STYXL1: variants seen among roughly 807,000 people sequenced by gnomAD.
The protein encoded by STYXL1 is serine/threonine/tyrosine interacting like 1.
STYXL1 carries 32 observed loss-of-function variants against 36.4 expected under a neutral mutation model. That is an observed-to-expected ratio of 0.88 (90% CI 0.66 to 1.18). STYXL1 has a LOEUF of 1.18. STYXL1 is among the 50% of genes most tolerant of loss of function. STYXL1 has a pLI of 0.00. For missense variants in STYXL1, 354 were observed against 394.1 expected (o/e 0.90, Z 0.86); for synonymous variants, 133 against 144.1 (o/e 0.92, Z 0.55).
intron 4 of STYXL1, among the ~76,000 whole-genome samples, chr7:76,018,451 C>T (rs1264516825): frequency 6.6e-6 from 1 of 151,572 alleles, no homozygotes; most frequent in African/African-American, 2.4e-5. Flanking sequence ...AGTACAATAG[C>T]ACAAACTCGG....
chr7:76,002,947 G>A (rs1215197060), intron 7 of STYXL1, among the ~76,000 whole-genome samples: 4 of 152,142 alleles, frequency 2.6e-5, no homozygotes, highest in Admixed American at 2.0e-4. Flanking sequence ...TAAAATAAGG[G>A]ATGGTTGGGC....
intron 4 of STYXL1, among the ~76,000 whole-genome samples, chr7:76,016,203 T>C (rs1484398166): frequency 6.6e-6 from 1 of 151,866 alleles, no homozygotes; most frequent in Non-Finnish European, 1.5e-5. Flanking sequence ...TATCTATACA[T>C]ATGTACATGT....
chr7:76,043,973 G>A (rs1796719912), intron 1 of STYXL1: 1 of 152,176 alleles, frequency 6.6e-6, no homozygotes, highest in African/African-American at 2.4e-5. Flanking sequence ...ACAGAAAGCT[G>A]CTGCATGATT....
At chr7:76,003,903 G>T in intron 6 of STYXL1, 48 bp from the exon 7 acceptor site, 1 of 1,564,920 alleles carries the variant, frequency 6.4e-7, no homozygotes, top group Non-Finnish European at 8.8e-7. Context: ...CAGAATGCAG[G>T]CATCCCCATT....
At chr7:76,021,436 A>G (rs1554576168) in intron 4 of STYXL1, among the ~76,000 whole-genome samples, 2 of 152,112 alleles carry the variant, frequency 1.3e-5, no homozygotes, top group African/African-American at 4.8e-5. Context: ...ATCATGGAAC[A>G]CTGTTTTCCC....
chr7:76,028,145 A>G (rs1380648838), intron 3 of STYXL1, among the ~76,000 whole-genome samples: 6 of 152,178 alleles, frequency 3.9e-5, no homozygotes, highest in African/African-American at 1.4e-4. Context: ...AGCGATTCTC[A>G]TGTCTCAGCC....
intron 6 of STYXL1, among the ~76,000 whole-genome samples, chr7:76,004,445 T>G (rs1157330438): frequency 1.3e-5 from 2 of 151,872 alleles, no homozygotes; most frequent in African/African-American, 4.8e-5. Flanking sequence ...GGCTCACACC[T>G]GTAAACCCAG....
rs577735942 is a variant in STYXL1, at chr7:76,037,857, C to T, written c.-4-7330G>A. 1.0e-4 allele frequency among the ~76,000 whole-genome samples: 15 copies of T among 150,104 alleles called. 2 individuals carry two copies. Among genetic ancestry groups the T allele is most frequent in the Admixed American group, 4.7e-4 (7 of 15,052 alleles). ...GTAAGGGTCAGGGTCCACAGCCAAT[C>T]CCCACCGCTGTTCTGGTTCGCGGTG... On this transcript the variant is annotated intron_variant, in intron 1 of 8. Coordinates refer to ENST00000359697, the MANE Select transcript of STYXL1 (RefSeq NM_001317785.2).
At chr7:76,032,376 G>A (rs1231337979) in intron 1 of STYXL1, among the ~76,000 whole-genome samples, 6 of 141,490 alleles carry the variant, frequency 4.2e-5, no homozygotes, top group African/African-American at 1.3e-4. Flanking sequence ...TCCCGTCTGG[G>A]CAACAGAGTG....
intron 1 of STYXL1, among the ~76,000 whole-genome samples, chr7:76,034,757 C>T (rs1235717552): frequency 6.6e-6 from 1 of 152,144 alleles, no homozygotes; most frequent in African/African-American, 2.4e-5. Flanking sequence ...CTTCCCATCA[C>T]CAGTAACAGA....
At chr7:75,999,499 G>GTGTGTATA (rs2116723301) in intron 8 of STYXL1, among the ~76,000 whole-genome samples, 1 of 79,874 alleles carries the variant, frequency 1.3e-5, no homozygotes, top group Non-Finnish European at 2.6e-5. Flanking sequence ...TGTTGTGTGT[G>GTGTGTATA]TGTGTGTGTG....
Position 75,999,543 on chromosome 7 carries a change from GTGTGTGTGTA to G in STYXL1, c.810+1337_810+1346del, listed in dbSNP as rs1790586227. Among the ~76,000 whole-genome samples, 8 of 142,292 alleles carry G rather than the reference GTGTGTGTGTA, an allele frequency of 5.6e-5. No homozygotes were observed. In the South Asian group the frequency reaches 6.9e-4, roughly 12 times the overall value. The allele number at this position is 142,292 out of a possible 152,430, so 93.3% of individuals were successfully genotyped here. A position where few individuals can be genotyped will look rare whatever the true frequency, so the allele number is the denominator to read the frequency against. ...TGTGTGTGTGTGTGTGTGTGTGTGTGTGTGTGTGTATATTTTTTTTTGAGACAGAGTTTCG... is the reference window on the plus strand; with the variant it reads ...TGTGTGTGTGTGTGTGTGTGTGTGTGTATTTTTTTTTGAGACAGAGTTTCG... On this transcript the variant is annotated intron_variant, in intron 8 of 8. Coordinates refer to ENST00000359697, the MANE Select transcript of STYXL1 (RefSeq NM_001317785.2).
At chr7:76,001,298 G>T (rs531323555) in intron 7 of STYXL1, among the ~76,000 whole-genome samples, 19 of 152,132 alleles carry the variant, frequency 1.2e-4, no homozygotes, top group Non-Finnish European at 2.8e-4. Flanking sequence ...CTACCAACTG[G>T]CCTCCCAGTA....
At chr7:76,028,047 A>AC (rs1794915947) in intron 3 of STYXL1, among the ~76,000 whole-genome samples, 1 of 151,830 alleles carries the variant, frequency 6.6e-6, no homozygotes, top group Middle Eastern at 3.2e-3. Flanking sequence ...ATATATATAT[A>AC]TTTTTTAGAC....
At chr7:76,009,354 GC>G (rs1554571536) in intron 5 of STYXL1, among the ~76,000 whole-genome samples, 2 of 131,984 alleles carry the variant, frequency 1.5e-5, no homozygotes, top group Non-Finnish European at 3.1e-5. Context: ...CATCATCCCA[GC>G]CCCCTCTCTC....
At chr7:76,020,859 G>T (rs1188039456) in intron 4 of STYXL1, among the ~76,000 whole-genome samples, 5 of 152,074 alleles carry the variant, frequency 3.3e-5, no homozygotes, top group Non-Finnish European at 7.3e-5. Context: ...CTGTTCTGCA[G>T]ATCCAAGTAA....
chr7:76,024,842 G>T (rs1391864958), intron 3 of STYXL1, among the ~76,000 whole-genome samples: 1 of 150,766 alleles, frequency 6.6e-6, no homozygotes, highest in African/African-American at 2.4e-5. Flanking sequence ...CCAGCTACTT[G>T]GGAGACTGAG....
intron 8 of STYXL1, chr7:76,000,545 G>A (rs764641753): frequency 1.9e-5 from 9 of 472,452 alleles, no homozygotes; most frequent in South Asian, 1.1e-4. Flanking sequence ...GGAGATAGAC[G>A]GGAGTGGGTG....
intron 5 of STYXL1, among the ~76,000 whole-genome samples, chr7:76,011,032 T>C (rs978477675): frequency 6.6e-6 from 1 of 152,076 alleles, no homozygotes; most frequent in Non-Finnish European, 1.5e-5. Flanking sequence ...CTGGGGAACA[T>C]AGCAAGACCC....
Sources: allele counts gnomAD v4.1 joint callset (sites outside exome capture counted in the v4.1 genomes callset), GRCh38; gene constraint gnomAD v4.1.1; transcripts MANE v1.5; gene names NCBI Gene and HGNC (gene_info 2026-07-23, HGNC 2026-07-21).